The following XRCC4 variants were observed in gnomAD, a reference collection of about 807,000 sequenced individuals.
XRCC4 encodes DNA repair protein XRCC4.
A neutral mutation model predicts 39.1 loss-of-function variants in XRCC4; 28 were observed. The observed-to-expected ratio is 0.72, with a 90% CI of 0.53 to 0.98. XRCC4 has a LOEUF of 0.98. Among genes scored for constraint, XRCC4 ranks in the 50% least tolerant of loss-of-function variants. XRCC4 has a pLI of 0.00. For missense variants in XRCC4, 350 were observed against 376.4 expected, an observed-to-expected ratio of 0.93 and a Z score of 0.58; for synonymous variants, 123 against 126.4, an observed-to-expected ratio of 0.97 and a Z score of 0.18.
chr5:83,322,843 T>A (rs1387501738), intron 7 of XRCC4, among the ~76,000 whole-genome samples: 1 of 152,138 alleles, frequency 6.6e-6, no homozygotes, highest in Admixed American at 6.6e-5. Flanking sequence ...TTGATTTTAT[T>A]CTGGTGTTAC....
chr5:83,237,325 A>C (rs1028228278), intron 6 of XRCC4, among the ~76,000 whole-genome samples: 4 of 152,164 alleles, frequency 2.6e-5, no homozygotes, highest in Non-Finnish European at 5.9e-5. Context: ...TCCATCAATG[A>C]ATGAATGGAT....
At chr5:83,175,712 G>T (rs1198640064) in intron 3 of XRCC4, among the ~76,000 whole-genome samples, 1 of 152,020 alleles carries the variant, frequency 6.6e-6, no homozygotes, top group Non-Finnish European at 1.5e-5. Flanking sequence ...GGGTTCAATC[G>T]ATTCTCCTGC....
At chr5:83,328,744 CTTA>C (rs1756345204) in intron 7 of XRCC4, among the ~76,000 whole-genome samples, 1 of 151,896 alleles carries the variant, frequency 6.6e-6, no homozygotes, top group African/African-American at 2.4e-5. Context: ...AGAATCATGA[CTTA>C]TTATATAGGA....
chr5:83,206,160 T>G (rs989461649), intron 6 of XRCC4, among the ~76,000 whole-genome samples: 4 of 152,096 alleles, frequency 2.6e-5, no homozygotes, highest in Non-Finnish European at 4.4e-5. Flanking sequence ...GGTGACATAA[T>G]CTGACTCAAA....
intron 3 of XRCC4, among the ~76,000 whole-genome samples, chr5:83,165,212 A>G (rs1231483732): frequency 6.6e-6 from 1 of 152,126 alleles, no homozygotes; most frequent in Non-Finnish European, 1.5e-5. Context: ...CTAAACACAC[A>G]TAACCTATGA....
chr5:83,233,063 AT>A, intron 6 of XRCC4, among the ~76,000 whole-genome samples: 1 of 152,158 alleles, frequency 6.6e-6, no homozygotes, highest in Non-Finnish European at 1.5e-5. Flanking sequence ...AATCTTAACC[AT>A]TTTTTATGGG....
At chr5:83,232,419 C>T (rs1328494598) in intron 6 of XRCC4, among the ~76,000 whole-genome samples, 1 of 152,018 alleles carries the variant, frequency 6.6e-6, no homozygotes, top group Non-Finnish European at 1.5e-5. Context: ...CCTAATACTT[C>T]CATAAAAGAT....
At chr5:83,306,307 C>T (rs1755485458) in intron 7 of XRCC4, among the ~76,000 whole-genome samples, 2 of 152,044 alleles carry the variant, frequency 1.3e-5, no homozygotes, top group African/African-American at 4.8e-5. Flanking sequence ...ATAGAATTTG[C>T]CATCACATTA....
At chr5:83,262,850 T>TA (rs919280459) in intron 7 of XRCC4, among the ~76,000 whole-genome samples, 6 of 143,634 alleles carry the variant, frequency 4.2e-5, no homozygotes, top group African/African-American at 1.5e-4. Flanking sequence ...TTTTTTTTTT[T>TA]TTTTTTTTAT....
intron 7 of XRCC4, among the ~76,000 whole-genome samples, chr5:83,321,374 G>T (rs1050416651): frequency 2.0e-5 from 3 of 152,060 alleles, no homozygotes; most frequent in African/African-American, 7.2e-5. Flanking sequence ...ATTTTCATCA[G>T]ATATTTTGGA....
chr5:83,191,380 G>A (rs2386242), intron 3 of XRCC4, among the ~76,000 whole-genome samples: 55,256 of 151,524 alleles, frequency 0.36, 10,673 homozygotes, highest in Non-Finnish European at 0.43. Context: ...TCTCATGATA[G>A]TGAATGAGTC....
intron 3 of XRCC4, among the ~76,000 whole-genome samples, chr5:83,152,726 G>A (rs1178241702): frequency 2.6e-5 from 4 of 150,948 alleles, no homozygotes; most frequent in Non-Finnish European, 4.4e-5. Context: ...TCTTTTTAAA[G>A]TATTTCTCTT....
chr5:83,316,601 A>G (rs1480193637), intron 7 of XRCC4, among the ~76,000 whole-genome samples: 1 of 149,002 alleles, frequency 6.7e-6, no homozygotes, highest in Admixed American at 6.8e-5. Flanking sequence ...CAAAAGAGAC[A>G]AAGAAGGCCA....
chr5:83,281,141 T>C (rs1754522228), intron 7 of XRCC4, among the ~76,000 whole-genome samples: 1 of 152,246 alleles, frequency 6.6e-6, no homozygotes, highest in Admixed American at 6.5e-5. Flanking sequence ...AGACCTGGGT[T>C]CAGGTTTCAA....
chr5:83,139,919 C>A (rs954437717), intron 3 of XRCC4, among the ~76,000 whole-genome samples: 4 of 152,170 alleles, frequency 2.6e-5, no homozygotes, highest in Non-Finnish European at 4.4e-5. Flanking sequence ...CATATACATT[C>A]ACACATCTGC....
chr5:83,109,617 C>T (rs1450732154), intron 2 of XRCC4, among the ~76,000 whole-genome samples: 2 of 151,836 alleles, frequency 1.3e-5, no homozygotes, highest in Admixed American at 6.6e-5. Context: ...AGTATGCAGA[C>T]CCATTGCCAC....
At chr5:83,345,543 G>A (rs957013285) in intron 7 of XRCC4, among the ~76,000 whole-genome samples, 1 of 152,094 alleles carries the variant, frequency 6.6e-6, no homozygotes, top group Non-Finnish European at 1.5e-5. Flanking sequence ...TTCTTCAAGT[G>A]TTATGGCGCC....
chr5:83,373,841 TTCTATTTAAG>T, the XRCC4 span, among the ~76,000 whole-genome samples: 6 of 152,220 alleles, frequency 3.9e-5, no homozygotes, highest in African/African-American at 1.4e-4. Flanking sequence ...AATAGCTACC[TTCTATTTAAG>T]TCCAATGATA....
At chr5:83,281,049 A>G (rs1186684404) in intron 7 of XRCC4, among the ~76,000 whole-genome samples, 3 of 152,186 alleles carry the variant, frequency 2.0e-5, no homozygotes, top group Admixed American at 6.5e-5. Context: ...TAAGACTTGC[A>G]TAATAAATAG....
Sources: gnomAD v4.1 joint callset for allele counts (sites outside exome capture counted in the v4.1 genomes callset) on GRCh38, gnomAD v4.1.1 for gene constraint, MANE v1.5 for transcripts, NCBI Gene and HGNC (gene_info 2026-07-23, HGNC 2026-07-21) for gene names.